The following PTPRT variants were observed in gnomAD, a reference collection of about 807,000 sequenced individuals.
PTPRT encodes the protein protein tyrosine phosphatase receptor type T, also known as receptor-type tyrosine-protein phosphatase T.
A neutral mutation model predicts 176.8 loss-of-function variants in PTPRT; 56 were observed. The ratio of observed to expected loss-of-function variants is 0.32; its 90% CI spans 0.26 to 0.40. The LOEUF (loss-of-function observed/expected upper bound fraction) is 0.40, where lower values mean the gene tolerates loss of function less well. Ranked by LOEUF, PTPRT falls within the 10% of genes least tolerant of loss-of-function variation. The pLI is 1.00. For missense variants in PTPRT, 1,540 were observed against 1,908.2 expected, an observed-to-expected ratio of 0.81 and a Z score of 3.60; for synonymous variants, 783 against 739.0, an observed-to-expected ratio of 1.06 and a Z score of -0.96.
chr20:42,592,206 A>G (rs1276573358), intron 7 of PTPRT, among the ~76,000 whole-genome samples: 3 of 150,258 alleles, frequency 2.0e-5, no homozygotes, highest in African/African-American at 7.4e-5. Flanking sequence ...CGATCTCCTG[A>G]CCTCGTGATC....
In PTPRT at chr20:42,893,283, G is replaced by T. The variant is rs368627252; in HGVS notation, c.89-7351C>A. On this transcript the variant is annotated intron_variant, in intron 1 of 30. Coordinates refer to ENST00000373187, the MANE Select transcript of PTPRT (RefSeq NM_007050.6). ...AAATGCTCATCATCACTGGCCATCA[G>T]AGAAATGCAAATCAAAACCACAATG... Among the ~76,000 whole-genome samples, 9 of 152,312 alleles carry T rather than the reference G, an allele frequency of 5.9e-5. No individual in the cohort carries two copies. The East Asian group carries it at 7.7e-4, about 13-fold the overall frequency.
chr20:42,842,215 A>G (rs1370037569), intron 2 of PTPRT, among the ~76,000 whole-genome samples: 1 of 152,134 alleles, frequency 6.6e-6, no homozygotes, highest in African/African-American at 2.4e-5. Flanking sequence ...TCAGGTTGGA[A>G]GTGGTTTTTA....
At chr20:42,671,099 T>C (rs572190763) in intron 7 of PTPRT, among the ~76,000 whole-genome samples, 13 of 152,066 alleles carry the variant, frequency 8.5e-5, no homozygotes, top group Non-Finnish European at 1.8e-4. Flanking sequence ...ACCCATGTGG[T>C]GTCCCTATCT....
At chr20:42,043,774 T>G in the PTPRT span, among the ~76,000 whole-genome samples, 1 of 152,230 alleles carries the variant, frequency 6.6e-6, no homozygotes, top group Non-Finnish European at 1.5e-5. Flanking sequence ...CATCTTACAG[T>G]GATGTTGGAC....
At chr20:42,707,576 A>C (rs766933058) in intron 6 of PTPRT, among the ~76,000 whole-genome samples, 2 of 152,182 alleles carry the variant, frequency 1.3e-5, no homozygotes, top group African/African-American at 2.4e-5. Flanking sequence ...CTAGGAGCTG[A>C]GAGTGGCCAC....
At chr20:42,607,216 A>G (rs2073894568) in intron 7 of PTPRT, among the ~76,000 whole-genome samples, 1 of 152,184 alleles carries the variant, frequency 6.6e-6, no homozygotes, top group Admixed American at 6.5e-5. Flanking sequence ...TTCGTATTTA[A>G]TGGACACAGA....
rs137991040 is a variant in PTPRT at position 42,460,360 on chromosome 20, G to A, written c.1450+11906C>T. Among the ~76,000 whole-genome samples, 246 of 152,274 alleles carry A rather than the reference G, an allele frequency of 1.6e-3. 2 individuals carry two copies. The East Asian group carries it at 0.024, about 15-fold the overall frequency. ...TATTGGAACACTGCCGCACCCATTT[G>A]TTTATCCATTGTCCCTGGCTGTTTT... is the stretch of plus-strand genomic sequence containing the variant. On this transcript the variant is annotated intron_variant, in intron 8 of 30. Transcript: ENST00000373187.
intron 6 of PTPRT, among the ~76,000 whole-genome samples, chr20:42,712,962 C>T (rs2076167277): frequency 6.6e-6 from 1 of 152,066 alleles, no homozygotes; most frequent in African/African-American, 2.4e-5. Flanking sequence ...AAGGAGGAAG[C>T]TCTTTATGTC....
chr20:42,581,248 G>A (rs1236539711), intron 7 of PTPRT, among the ~76,000 whole-genome samples: 1 of 152,014 alleles, frequency 6.6e-6, no homozygotes, highest in African/African-American at 2.4e-5. Context: ...CCTCAATGAG[G>A]CCTACTCTTT....
chr20:42,577,923 C>CTA (rs1246601458), intron 7 of PTPRT, among the ~76,000 whole-genome samples: 2 of 111,270 alleles, frequency 1.8e-5, no homozygotes, highest in Non-Finnish European at 3.5e-5. Flanking sequence ...CTGAGCGAGG[C>CTA]TGTGTGTGTG....
chr20:43,090,548 G>A (rs1349098439), intron 1 of PTPRT, among the ~76,000 whole-genome samples: 1 of 152,092 alleles, frequency 6.6e-6, no homozygotes, highest in Non-Finnish European at 1.5e-5. Flanking sequence ...GATTCCAGTC[G>A]TGAGCCACCG....
chr20:42,850,997 T>C (rs1304114690), intron 2 of PTPRT, among the ~76,000 whole-genome samples: 18 of 152,232 alleles, frequency 1.2e-4, no homozygotes, highest in Non-Finnish European at 2.9e-5. Context: ...GGCTCGTTGC[T>C]AAGTCAAACT....
chr20:42,276,736 C>T (rs547641722), intron 13 of PTPRT, among the ~76,000 whole-genome samples: 2 of 150,924 alleles, frequency 1.3e-5, no homozygotes, highest in South Asian at 4.2e-4. Flanking sequence ...AGGAAGCTTC[C>T]TATATAAAAC....
chr20:43,132,176 A>C (rs1000965702), intron 1 of PTPRT, among the ~76,000 whole-genome samples: 4 of 152,180 alleles, frequency 2.6e-5, no homozygotes, highest in African/African-American at 9.7e-5. Context: ...ATGCAATTAG[A>C]TAAGAACAAA....
chr20:42,471,420 A>C (rs2071195439), intron 8 of PTPRT, among the ~76,000 whole-genome samples: 1 of 152,002 alleles, frequency 6.6e-6, no homozygotes, highest in Non-Finnish European at 1.5e-5. Context: ...AATTCCCCGG[A>C]GATCTGGTTA....
intron 1 of PTPRT, among the ~76,000 whole-genome samples, chr20:43,023,736 T>A (rs939418423): frequency 1.3e-5 from 2 of 152,144 alleles, no homozygotes; most frequent in African/African-American, 4.8e-5. Flanking sequence ...CATCTCTCCC[T>A]CAACGAAGCC....
chr20:42,204,239 G>T (rs1004846363), intron 15 of PTPRT, among the ~76,000 whole-genome samples: 1 of 150,918 alleles, frequency 6.6e-6, no homozygotes, highest in African/African-American at 2.5e-5. Context: ...ATATTCATGG[G>T]AGTCAGAGAT....
chr20:42,727,745 G>T (rs1189645715), intron 6 of PTPRT, among the ~76,000 whole-genome samples: 1 of 152,178 alleles, frequency 6.6e-6, no homozygotes, highest in East Asian at 1.9e-4. Flanking sequence ...CAGCCTCAAT[G>T]ACTGATCTTA....
chr20:43,030,912 G>A (rs1357028492), intron 1 of PTPRT, among the ~76,000 whole-genome samples: 3 of 152,242 alleles, frequency 2.0e-5, no homozygotes, highest in Non-Finnish European at 2.9e-5. Context: ...CTGAAAAGGA[G>A]ATGAGATGCA....
Sources: allele counts gnomAD v4.1 joint callset (sites outside exome capture counted in the v4.1 genomes callset), GRCh38; gene constraint gnomAD v4.1.1; transcripts MANE v1.5; gene names NCBI Gene and HGNC (gene_info 2026-07-23, HGNC 2026-07-21).